The following UBE2D3 variants were observed in gnomAD, a reference collection of about 807,000 sequenced individuals.
UBE2D3 encodes ubiquitin-conjugating enzyme E2 D3.
Under a neutral mutation model 22.8 loss-of-function variants are expected in UBE2D3, and 2 were observed. The ratio of observed to expected loss-of-function variants is 0.09; its 90% CI spans 0.04 to 0.28. UBE2D3 has a LOEUF of 0.28. Ranked by LOEUF, UBE2D3 falls within the 10% of genes least tolerant of loss-of-function variation. UBE2D3 has a pLI of 1.00. For missense variants in UBE2D3, 27 were observed against 182.5 expected, an observed-to-expected ratio of 0.15 and a Z score of 4.91; for synonymous variants, 56 against 60.4, an observed-to-expected ratio of 0.93 and a Z score of 0.34.
chr4:102,858,998 C>T (rs1433183535), intron 1 of UBE2D3, among the ~76,000 whole-genome samples: 2 of 151,936 alleles, frequency 1.3e-5, no homozygotes, highest in Admixed American at 1.3e-4. Context: ...CAGGGAGTTT[C>T]ATACTTTCAC....
intron 4 of UBE2D3, among the ~76,000 whole-genome samples, chr4:102,807,163 A>C (rs1727193640): frequency 6.6e-6 from 1 of 152,212 alleles, no homozygotes; most frequent in Admixed American, 6.5e-5. Flanking sequence ...GACGTTGTTA[A>C]CTGTCCAGTT....
intron 1 of UBE2D3, among the ~76,000 whole-genome samples, chr4:102,866,567 A>G (rs1733154214): frequency 6.6e-6 from 1 of 152,218 alleles, no homozygotes; most frequent in Non-Finnish European, 1.5e-5. Flanking sequence ...AAATTGAGGT[A>G]TGTATTTTTT....
intron 1 of UBE2D3, among the ~76,000 whole-genome samples, chr4:102,838,388 A>G (rs1731541188): frequency 6.6e-6 from 1 of 152,166 alleles, no homozygotes; most frequent in African/African-American, 2.4e-5. Flanking sequence ...AGTACCACAT[A>G]GGAGTACTTT....
Position 102,795,587 on chromosome 4 carries a change from G to A in UBE2D3, c.*1828C>T, listed in dbSNP as rs1725191666. 6.6e-6 allele frequency: 1 copy of A among 152,074 alleles called. No homozygotes were observed. 9.4% of individuals were successfully genotyped at this position (152,074 alleles called of 1,614,324 possible). A position where few individuals can be genotyped will look rare whatever the true frequency, so the allele number is the denominator to read the frequency against. On this transcript the variant is annotated 3_prime_UTR_variant, in exon 8 of 8. Coordinates refer to ENST00000453744, the MANE Select transcript of UBE2D3 (RefSeq NM_181891.3). ...TAGCTGGTTTTTTCCCCAATGAAATGATTACAGAATTAACAAAGCCAGAAC... is the reference window on the plus strand; with the variant it reads ...TAGCTGGTTTTTTCCCCAATGAAATAATTACAGAATTAACAAAGCCAGAAC...
At chr4:102,841,621 G>A (rs933896904) in intron 1 of UBE2D3, among the ~76,000 whole-genome samples, 1 of 151,952 alleles carries the variant, frequency 6.6e-6, no homozygotes, top group African/African-American at 2.4e-5. Flanking sequence ...TCATCATTAT[G>A]TAATCCCTCT....
At chr4:102,813,420 T>C (rs959454975) in intron 2 of UBE2D3, among the ~76,000 whole-genome samples, 1 of 152,184 alleles carries the variant, frequency 6.6e-6, no homozygotes, top group East Asian at 1.9e-4. Flanking sequence ...ATTGACTCCA[T>C]GTGGGAAGAA....
chr4:102,865,402 G>T (rs1486809758), intron 1 of UBE2D3, among the ~76,000 whole-genome samples: 3 of 150,038 alleles, frequency 2.0e-5, no homozygotes, highest in African/African-American at 4.9e-5. Flanking sequence ...TGAGGCAGGA[G>T]GATCACTTGA....
chr4:102,853,321 A>G (rs1002517105), intron 1 of UBE2D3, among the ~76,000 whole-genome samples: 1 of 149,690 alleles, frequency 6.7e-6, no homozygotes, highest in Non-Finnish European at 1.5e-5. Flanking sequence ...TAACTTAGCA[A>G]TCTCTTTTCT....
At chr4:102,819,486 C>G in intron 2 of UBE2D3, 1 of 890,290 alleles carries the variant, frequency 1.1e-6, no homozygotes, top group African/African-American at 1.8e-5. Context: ...ATTCGGTTAA[C>G]TTTCTTTCAA....
intron 6 of UBE2D3, among the ~76,000 whole-genome samples, chr4:102,801,085 CAA>C (rs1726085991): frequency 6.6e-6 from 1 of 151,880 alleles, no homozygotes; most frequent in Admixed American, 6.6e-5. Context: ...CCTCAGGATT[CAA>C]AAGCTCTATT....
chr4:102,819,852 T>A (rs2110313424), intron 2 of UBE2D3, among the ~76,000 whole-genome samples: 1 of 152,362 alleles, frequency 6.6e-6, no homozygotes, highest in East Asian at 1.9e-4. Context: ...ATGCCATTAC[T>A]AAAGGTTAAT....
intron 1 of UBE2D3, among the ~76,000 whole-genome samples, chr4:102,860,301 G>C (rs1015290259): frequency 6.6e-6 from 1 of 151,592 alleles, no homozygotes; most frequent in Admixed American, 6.6e-5. Flanking sequence ...TCAACTGCTA[G>C]AACTTTAATT....
chr4:102,799,983 G>T (rs1725886011), intron 6 of UBE2D3, among the ~76,000 whole-genome samples: 1 of 151,940 alleles, frequency 6.6e-6, no homozygotes, highest in Non-Finnish European at 1.5e-5. Flanking sequence ...CCTTGAACTT[G>T]TAAGCAAGAA....
At chr4:102,810,656 G>C (rs1051062465) in intron 2 of UBE2D3, 1 of 152,092 alleles carries the variant, frequency 6.6e-6, no homozygotes. Flanking sequence ...TCTGTAAGTA[G>C]AAAGACGTTT....
intron 1 of UBE2D3, among the ~76,000 whole-genome samples, chr4:102,835,197 C>T (rs1000529319): frequency 1.3e-5 from 2 of 152,166 alleles, no homozygotes; most frequent in African/African-American, 2.4e-5. Flanking sequence ...ATTCAACCAA[C>T]CACGGATCCA....
chr4:102,830,861 C>G (rs137859346), upstream of UBE2D3, among the ~76,000 whole-genome samples: 208 of 152,246 alleles, frequency 1.4e-3, no homozygotes, highest in Middle Eastern at 0.017. Flanking sequence ...AAGACCCTGT[C>G]TCAGAGAAAA....
intron 1 of UBE2D3, among the ~76,000 whole-genome samples, chr4:102,861,325 TG>T (rs1448988269): frequency 6.6e-6 from 1 of 151,974 alleles, no homozygotes; most frequent in Non-Finnish European, 1.5e-5. Flanking sequence ...AAATGGTATT[TG>T]GTATTTCTGC....
chr4:102,831,748 T>TA (rs1731129210), upstream of UBE2D3, among the ~76,000 whole-genome samples: 1 of 152,218 alleles, frequency 6.6e-6, no homozygotes, highest in Admixed American at 6.5e-5. Context: ...AAACACAGGT[T>TA]AAAAAAATAT....
rs760196346 is a variant in UBE2D3, at chr4:102,826,528, G to A, written c.-20C>T. ...CGCCATAGTGTGTGCTTGTCGTCTG[G>A]CTCCTCACTCTCTCGGTGTATGCTC... On this transcript the variant is annotated 5_prime_UTR_variant, in exon 2 of 8. Transcript: ENST00000453744. 4 of 1,612,700 alleles carry A rather than the reference G, an allele frequency of 2.5e-6. No individual in the cohort carries two copies. The highest frequency in any genetic ancestry group is 2.2e-5 in the South Asian group (2 of 91,036).
Sources: gnomAD v4.1 joint callset for allele counts (sites outside exome capture counted in the v4.1 genomes callset) on GRCh38, gnomAD v4.1.1 for gene constraint, MANE v1.5 for transcripts, NCBI Gene and HGNC (gene_info 2026-07-23, HGNC 2026-07-21) for gene names.